THOC2: variants seen among roughly 807,000 people sequenced by gnomAD.
THOC2 encodes THO complex subunit 2, also known as THO complex 2.
A neutral mutation model predicts 128.4 loss-of-function variants in THOC2; 10 were observed. The observed-to-expected ratio is 0.08, with a 90% confidence interval of 0.05 to 0.13. The LOEUF (loss-of-function observed/expected upper bound fraction) is 0.13. Ranked by LOEUF, THOC2 falls within the 10% of genes least tolerant of loss-of-function variation. THOC2 has a pLI of 1.00. For synonymous variants in THOC2, 393 were observed against 396.9 expected (o/e 0.99, Z 0.12); for missense variants, 535 against 1,155.7 (o/e 0.46, Z 7.79).
At chrX:123,687,247 C>T (rs954620856) in intron 7 of THOC2, among the ~76,000 whole-genome samples, 1 of 110,735 alleles carries the variant, frequency 9.0e-6, no homozygotes, top group African/African-American at 3.3e-5. Flanking sequence ...ATAAAATATA[C>T]CACTGATTTA....
Position 123,733,010 on chromosome X carries a change from C to G in THOC2, c.13G>C (p.Ala5Pro). Reference protein sequence around the residue: MAAAAVVVPAEWIKN... With the variant: MAAAPVVVPAEWIKN... ...ATCCACTCTGCGGGAACCACCACAG[C>G]CGCGGCCGCCATCTTCCTCTCACTA... is the stretch of plus-strand genomic sequence containing the variant. The change falls in exon 1 of 39, where the codon GCT (alanine) becomes CCT (proline). Residue 5 changes from alanine (A) to proline (P), a missense_variant. Ala to Pro is a conservative substitution (Grantham distance 27). This residue lies in a region of THOC2 where 61 missense variants were observed against 84.3 expected (regional missense o/e 0.72). Transcript: ENST00000245838. 1 of 1,211,814 alleles carries G rather than the reference C, an allele frequency of 8.3e-7. No individual in the cohort carries two copies. Among genetic ancestry groups the G allele is most frequent in the South Asian group, 1.8e-5 (1 of 56,994 alleles).
chrX:123,630,440 T>C (rs1281129724), intron 22 of THOC2, among the ~76,000 whole-genome samples: 12 of 108,372 alleles, frequency 1.1e-4, no homozygotes, highest in African/African-American at 4.1e-4. Context: ...TGGTGAAATC[T>C]CATCTCTTCT....
intron 17 of THOC2, 111 bp downstream of exon 17, chrX:123,638,823 C>T: frequency 2.1e-6 from 1 of 468,165 alleles, no homozygotes; most frequent in Non-Finnish European, 3.7e-6. Context: ...TCAGATCAGC[C>T]ACCTGAATCA....
intron 2 of THOC2, among the ~76,000 whole-genome samples, chrX:123,712,198 C>T (rs2147952459): frequency 9.0e-6 from 1 of 111,254 alleles, no homozygotes; most frequent in African/African-American, 3.3e-5. Context: ...AACAATACTA[C>T]TGTAAATGCT....
At chrX:123,689,098 T>C (rs769094000) in intron 7 of THOC2, among the ~76,000 whole-genome samples, 1 of 112,519 alleles carries the variant, frequency 8.9e-6, no homozygotes, top group African/African-American at 3.2e-5. Context: ...AAGTGCTTCA[T>C]TCACATTGCT....
At chrX:123,611,076 T>C (rs968894621) in intron 37 of THOC2, 113 bp from the exon 38 acceptor site, 4 of 675,956 alleles carry the variant, frequency 5.9e-6, no homozygotes, top group Middle Eastern at 3.0e-4. Flanking sequence ...ACCAGCCTGG[T>C]AGCCTCAAAC....
chrX:123,671,195 T>C (rs2049264218), intron 9 of THOC2, among the ~76,000 whole-genome samples: 1 of 111,851 alleles, frequency 8.9e-6, no homozygotes, highest in Non-Finnish European at 1.9e-5. Context: ...TTTTTAAATA[T>C]ACTAAATATA....
intron 36 of THOC2, 118 bp from the exon 37 acceptor site, chrX:123,611,634 C>T: frequency 4.6e-6 from 2 of 437,699 alleles, no homozygotes; most frequent in Non-Finnish European, 7.7e-6. Flanking sequence ...TAACATGACA[C>T]CAAAAGCATA....
At chrX:123,720,696 G>A (rs779262647) in intron 1 of THOC2, among the ~76,000 whole-genome samples, 35 of 111,018 alleles carry the variant, frequency 3.2e-4, no homozygotes, top group Non-Finnish European at 6.4e-4. Flanking sequence ...TAAAGAAAAC[G>A]TCATGTATAT....
At position 123,634,057 on chromosome X, in the gene THOC2, T is replaced by C. The variant is rs747940533; in HGVS notation, c.2032A>G (p.Ile678Val). The C allele has an allele frequency of 1.7e-6, 2 of 1,168,997 alleles. No individual in the cohort carries two copies. The highest frequency in any genetic ancestry group is 3.7e-5 in the South Asian group (2 of 54,478). Reference protein sequence around the residue: ...LKAGKSFDLLILKEVVQKMAG... With the variant: ...LKAGKSFDLLVLKEVVQKMAG... ...ATTTTTTGTACCACTTCTTTCAATA[T>C]AAGCAGGTCAAAACTATTCAAAAAG... Residue 678 changes from isoleucine to valine, a missense_variant, in exon 20 of 39, where the codon ATA becomes GTA. Ile to Val is a conservative substitution (Grantham distance 29, BLOSUM62 3). This residue lies in a region of THOC2 where 90 missense variants were observed against 298.6 expected (regional missense o/e 0.30). Transcript: ENST00000245838.
At chrX:123,731,192 C>G (rs1429646239) in intron 1 of THOC2, among the ~76,000 whole-genome samples, 1 of 111,906 alleles carries the variant, frequency 8.9e-6, no homozygotes, top group Non-Finnish European at 1.9e-5. Context: ...AACTTGACAG[C>G]TATTTGTTAA....
chrX:123,679,899 T>C (rs1199422551), intron 8 of THOC2, among the ~76,000 whole-genome samples: 1 of 112,154 alleles, frequency 8.9e-6, no homozygotes, highest in African/African-American at 3.2e-5. Context: ...TTAAGAGTCA[T>C]CACCACTCCC....
intron 22 of THOC2, among the ~76,000 whole-genome samples, chrX:123,629,349 T>C: frequency 9.1e-6 from 1 of 109,413 alleles, no homozygotes; most frequent in Admixed American, 9.9e-5. Flanking sequence ...AAGTTAGGTA[T>C]CACCCTTCAT....
chrX:123,730,138 G>C (rs2052165087), intron 1 of THOC2, among the ~76,000 whole-genome samples: 1 of 109,530 alleles, frequency 9.1e-6, no homozygotes, highest in African/African-American at 3.3e-5. Context: ...TCTAATAACA[G>C]GTTTTTTTGC....
At chrX:123,623,998 A>T in intron 27 of THOC2, 27 bp from the exon 28 acceptor site, 1 of 1,184,232 alleles carries the variant, frequency 8.4e-7, no homozygotes, top group Non-Finnish European at 1.1e-6. Flanking sequence ...CAGATCCATT[A>T]TTATAAAAGC....
chrX:123,623,932 T>C lies in THOC2; in HGVS notation c.3358A>G (p.Ile1120Val). Residue 1120 changes from isoleucine (I) to valine (V), a missense_variant, in exon 28 of 39, where the codon ATC (isoleucine) becomes GTC (valine). Transcript: ENST00000245838. ...HCLETGEYTH[I>V]RNILIVLTKI... ...GTTAGCACAATCAAGATATTCCTGA[T>C]GTGAGTATATTCGCCTGTTTCAAGG... 1 of 1,206,828 alleles carries C rather than the reference T, an allele frequency of 8.3e-7. No individual in the cohort carries two copies. Among genetic ancestry groups the C allele is most frequent in the Non-Finnish European group, 1.1e-6 (1 of 893,845 alleles).
chrX:123,664,965 C>G (rs989796444), intron 12 of THOC2, among the ~76,000 whole-genome samples: 1 of 111,652 alleles, frequency 9.0e-6, no homozygotes, highest in Non-Finnish European at 1.9e-5. Flanking sequence ...AAGAAAATGA[C>G]TAGAAGGAAA....
chrX:123,705,939 T>C (rs149143826), intron 3 of THOC2, among the ~76,000 whole-genome samples: 2,027 of 111,479 alleles, frequency 0.018, 49 homozygotes, highest in African/African-American at 0.062. Context: ...ATTTTATTTA[T>C]ATACAAGTTT....
At chrX:123,627,260 T>C (rs1231568037) in intron 23 of THOC2, among the ~76,000 whole-genome samples, 2 of 111,600 alleles carry the variant, frequency 1.8e-5, no homozygotes, top group Non-Finnish European at 3.8e-5. Context: ...GTGGTCTCCC[T>C]AAACCTCAAT....
Sources: allele counts gnomAD v4.1 joint callset (sites outside exome capture counted in the v4.1 genomes callset), GRCh38; gene constraint gnomAD v4.1.1; regional missense constraint gnomAD v4.1.1; transcripts MANE v1.5; gene names NCBI Gene and HGNC (gene_info 2026-07-23, HGNC 2026-07-21).